Variants in ARSJ observed in about 807,000 individuals in gnomAD.
ARSJ encodes the protein arylsulfatase J.
A neutral mutation model predicts 35.9 loss-of-function variants in ARSJ; 26 were observed. That is an observed-to-expected ratio of 0.72 (90% CI 0.53 to 1.00). ARSJ has a LOEUF of 1.00. ARSJ is among the 50% of genes least tolerant of loss of function. The probability of loss-of-function intolerance (pLI) is 0.00; values close to 1 mark genes in which losing one functional copy is unlikely to be tolerated. For synonymous variants in ARSJ, 294 were observed against 267.6 expected (o/e 1.10, Z -0.96); for missense variants, 667 against 723.6 (o/e 0.92, Z 0.90).
intron 1 of ARSJ, among the ~76,000 whole-genome samples, chr4:113,919,511 T>C (rs1387986907): frequency 6.6e-6 from 1 of 152,222 alleles, no homozygotes; most frequent in African/African-American, 2.4e-5. Context: ...ATTGTTGATA[T>C]TGTGAAAGTA....
chr4:113,978,847 C>T lies in ARSJ; in HGVS notation c.-13G>A. 1 of 1,579,866 alleles carries T rather than the reference C, an allele frequency of 6.3e-7. No homozygotes were observed. The highest frequency in any genetic ancestry group is 8.6e-7 in the Non-Finnish European group (1 of 1,165,552). On this transcript the variant is annotated 5_prime_UTR_variant, in exon 1 of 2. It introduces an in-frame stop codon into an upstream open reading frame of the 5' UTR. Transcript: ENST00000315366. Reference sequence around the variant, plus strand: ...CCCTGGGAGCCATTCACTCAGGTCCCAGGTGAGACTCCACGCGGAGAACCA... The same window carrying T: ...CCCTGGGAGCCATTCACTCAGGTCCTAGGTGAGACTCCACGCGGAGAACCA...
At chr4:113,947,814 A>G (rs1725594827) in intron 1 of ARSJ, among the ~76,000 whole-genome samples, 1 of 152,130 alleles carries the variant, frequency 6.6e-6, no homozygotes, top group Non-Finnish European at 1.5e-5. Flanking sequence ...GTAGTATGGC[A>G]AAACATATTA....
In ARSJ at chr4:113,900,299, C is replaced by A. The variant is rs963871952; in HGVS notation, c.*1975G>T. 4 of 151,972 alleles carry A rather than the reference C, an allele frequency of 2.6e-5. No individual in the cohort carries two copies. The highest frequency in any genetic ancestry group is 5.9e-5 in the Non-Finnish European group (4 of 67,986). The allele number at this position is 151,972 out of a possible 1,614,324, so 9.4% of individuals were successfully genotyped here. On this transcript the variant is annotated 3_prime_UTR_variant, in exon 2 of 2. Coordinates refer to ENST00000315366, the MANE Select transcript of ARSJ (RefSeq NM_024590.4). The stretch of plus-strand genomic sequence containing the variant: ...AGGAAAGAAAAACATGAACAATATG[C>A]CTTTATTTTTAAGACTCATTTAAAA...
chr4:113,902,942 T>C lies in ARSJ; in HGVS notation c.1132A>G (p.Thr378Ala). The change falls in exon 2 of 2, where the codon ACT becomes GCT. Residue 378 changes from threonine to alanine, a missense_variant. By Grantham distance (58) the Thr-to-Ala change is moderately conservative (BLOSUM62 0). Coordinates refer to ENST00000315366, the MANE Select transcript of ARSJ (RefSeq NM_024590.4). The stretch of plus-strand genomic sequence containing the variant: ...GAAATGAGAGTGGGGTACCAGTCAG[T>C]GATGTGCACAAGTTCCTTACACACT... Reference protein sequence around the residue: ...GTVCKELVHITDWYPTLISLA... With the variant: ...GTVCKELVHIADWYPTLISLA... 2 of 1,614,172 alleles carry C rather than the reference T, an allele frequency of 1.2e-6. No individual in the cohort carries two copies. Among genetic ancestry groups the C allele is most frequent in the Non-Finnish European group, 1.7e-6 (2 of 1,180,020 alleles).
intron 1 of ARSJ, among the ~76,000 whole-genome samples, chr4:113,965,177 G>A (rs573153747): frequency 1.3e-5 from 2 of 152,144 alleles, no homozygotes; most frequent in African/African-American, 4.8e-5. Context: ...AGGTAATATT[G>A]ACATCATTAA....
At chr4:113,909,856 T>G (rs185264337) in intron 1 of ARSJ, among the ~76,000 whole-genome samples, 353 of 152,272 alleles carry the variant, frequency 2.3e-3, no homozygotes, top group African/African-American at 8.2e-3. Flanking sequence ...GTAAAGCGTC[T>G]CCATTTAACA....
At chr4:113,970,671 G>A (rs535322275) in intron 1 of ARSJ, among the ~76,000 whole-genome samples, 2 of 152,164 alleles carry the variant, frequency 1.3e-5, no homozygotes, top group Admixed American at 6.5e-5. Flanking sequence ...AGAGGAGAGA[G>A]GGGCTGGGCA....
chr4:113,935,731 T>A (rs1049890185), intron 1 of ARSJ, among the ~76,000 whole-genome samples: 11 of 151,902 alleles, frequency 7.2e-5, no homozygotes, highest in African/African-American at 2.7e-4. Context: ...AGAAAAAGGA[T>A]GTATCTGCTA....
At chr4:113,947,119 T>C (rs1006248489) in intron 1 of ARSJ, among the ~76,000 whole-genome samples, 12 of 152,112 alleles carry the variant, frequency 7.9e-5, no homozygotes, top group African/African-American at 2.4e-4. Flanking sequence ...ATAAGATATT[T>C]TGTAATATAG....
intron 1 of ARSJ, among the ~76,000 whole-genome samples, chr4:113,942,501 T>C (rs1054703257): frequency 1.3e-5 from 2 of 152,034 alleles, no homozygotes; most frequent in African/African-American, 4.8e-5. Flanking sequence ...CTCCTAGGAC[T>C]TCATTTGGAA....
intron 1 of ARSJ, among the ~76,000 whole-genome samples, chr4:113,922,195 C>G (rs975969675): frequency 2.6e-5 from 4 of 152,098 alleles, no homozygotes; most frequent in South Asian, 2.1e-4. Context: ...ATGCCTTAGT[C>G]AAAGATATTA....
At chr4:113,912,556 A>T (rs538394406) in intron 1 of ARSJ, among the ~76,000 whole-genome samples, 35 of 152,256 alleles carry the variant, frequency 2.3e-4, no homozygotes, top group African/African-American at 7.5e-4. Flanking sequence ...AATGTTTATG[A>T]TGTATTATTA....
At chr4:113,933,108 T>C (rs1445770140) in intron 1 of ARSJ, among the ~76,000 whole-genome samples, 1 of 151,596 alleles carries the variant, frequency 6.6e-6, no homozygotes, top group East Asian at 1.9e-4. Context: ...AGAAAACCTA[T>C]AAGAAATGGA....
chr4:113,948,562 G>A (rs76915275), intron 1 of ARSJ, among the ~76,000 whole-genome samples: 18 of 126,710 alleles, frequency 1.4e-4, no homozygotes, highest in East Asian at 1.4e-3. Context: ...AGTTGCAAGC[G>A]TACTATATTC....
intron 1 of ARSJ, among the ~76,000 whole-genome samples, chr4:113,917,539 TATTAGAACACAAGCTAAAA>T (rs1456027841): frequency 6.6e-6 from 1 of 152,180 alleles, no homozygotes; most frequent in Non-Finnish European, 1.5e-5. Flanking sequence ...AGAAAAATTA[TATTAGAACACAAGCTAAAA>T]ATAAATCATT....
chr4:113,929,131 T>A (rs1304561395), intron 1 of ARSJ, among the ~76,000 whole-genome samples: 1 of 152,108 alleles, frequency 6.6e-6, no homozygotes, highest in African/African-American at 2.4e-5. Context: ...CCAATACCCT[T>A]AATATGCATT....
At chr4:113,957,128 G>A (rs1337831930) in intron 1 of ARSJ, among the ~76,000 whole-genome samples, 4 of 152,106 alleles carry the variant, frequency 2.6e-5, no homozygotes, top group African/African-American at 4.8e-5. Flanking sequence ...AATATAAAAC[G>A]TTTTCAAGCA....
Position 113,979,040 on chromosome 4 carries a change from C to T in ARSJ, c.-206G>A. ...ACTCCGGAAGAACAAGGAGGGCTCG[C>T]TCTTCTCCAGCACATTTCACTTTCT... is the stretch of plus-strand genomic sequence containing the variant. On this transcript the variant is annotated 5_prime_UTR_variant, in exon 1 of 2. Coordinates refer to ENST00000315366, the MANE Select transcript of ARSJ (RefSeq NM_024590.4). 1.9e-6 allele frequency: 1 copy of T among 513,150 alleles called. No homozygotes were observed. The highest frequency in any genetic ancestry group is 3.4e-6 in the Non-Finnish European group (1 of 295,820). The allele number at this position is 513,150 out of a possible 1,614,324, so 31.8% of individuals were successfully genotyped here.
intron 1 of ARSJ, among the ~76,000 whole-genome samples, chr4:113,921,884 G>T (rs371383751): frequency 5.1e-4 from 77 of 152,218 alleles, no homozygotes; most frequent in African/African-American, 1.7e-3. Context: ...AAAACTTCAG[G>T]TGGACAGTGA....
Sources: gnomAD v4.1 joint callset for allele counts (sites outside exome capture counted in the v4.1 genomes callset) on GRCh38, gnomAD v4.1.1 for gene constraint, MANE v1.5 for transcripts, NCBI Gene and HGNC (gene_info 2026-07-23, HGNC 2026-07-21) for gene names.